GPR39: variants seen among roughly 807,000 people sequenced by gnomAD.
The protein encoded by GPR39 is zinc sensing receptor.
GPR39 carries 23 observed loss-of-function variants against 18.4 expected under a neutral mutation model. The ratio of observed to expected loss-of-function variants is 1.25; its 90% CI spans 0.90 to 1.77. The LOEUF (loss-of-function observed/expected upper bound fraction) is 1.77. Among genes scored for constraint, GPR39 ranks in the 40% most tolerant of loss-of-function variants. The pLI is 0.00. For missense variants in GPR39, 647 were observed against 602.4 expected, an observed-to-expected ratio of 1.07 and a Z score of -0.78; for synonymous variants, 280 against 257.9, an observed-to-expected ratio of 1.09 and a Z score of -0.82.
At chr2:132,631,914 C>A (rs1681656913) in intron 1 of GPR39, among the ~76,000 whole-genome samples, 1 of 151,634 alleles carries the variant, frequency 6.6e-6, no homozygotes, top group African/African-American at 2.4e-5. Flanking sequence ...CCTCTGCCTC[C>A]TGGTTTCAAG....
intron 1 of GPR39, among the ~76,000 whole-genome samples, chr2:132,440,387 G>A (rs1680414327): frequency 6.6e-6 from 1 of 152,178 alleles, no homozygotes; most frequent in Non-Finnish European, 1.5e-5. Context: ...ACGAACCCTG[G>A]AGCTGGACTG....
At chr2:132,573,059 G>A (rs544248182) in intron 1 of GPR39, among the ~76,000 whole-genome samples, 16 of 152,268 alleles carry the variant, frequency 1.1e-4, no homozygotes, top group African/African-American at 3.9e-4. Context: ...AATGGCCATG[G>A]GCTGTATGTC....
intron 1 of GPR39, among the ~76,000 whole-genome samples, chr2:132,503,980 G>A (rs1679089508): frequency 6.6e-6 from 1 of 152,168 alleles, no homozygotes; most frequent in Non-Finnish European, 1.5e-5. Context: ...CTATTTCCAG[G>A]CAGCTGATGA....
At chr2:132,641,932 T>C (rs1243694374) in intron 1 of GPR39, among the ~76,000 whole-genome samples, 1 of 152,134 alleles carries the variant, frequency 6.6e-6, no homozygotes, top group Admixed American at 6.5e-5. Context: ...GATTTTGGAG[T>C]CTGGCAAAGA....
At chr2:132,457,791 G>A (rs539090523) in intron 1 of GPR39, among the ~76,000 whole-genome samples, 1 of 152,212 alleles carries the variant, frequency 6.6e-6, no homozygotes, top group Non-Finnish European at 1.5e-5. Flanking sequence ...GCTCCGCCCA[G>A]TTTGAGCTTC....
At chr2:132,589,221 C>G (rs1680785040) in intron 1 of GPR39, among the ~76,000 whole-genome samples, 1 of 152,080 alleles carries the variant, frequency 6.6e-6, no homozygotes, top group South Asian at 2.1e-4. Flanking sequence ...GTCCCCCCCT[C>G]CCCATTGCCC....
chr2:132,591,936 A>G (rs1346837322), intron 1 of GPR39, among the ~76,000 whole-genome samples: 2 of 152,344 alleles, frequency 1.3e-5, no homozygotes, highest in South Asian at 2.1e-4. Context: ...TGTTTGGTGT[A>G]TGGTCAAATT....
intron 1 of GPR39, among the ~76,000 whole-genome samples, chr2:132,494,227 A>T (rs1348356683): frequency 6.6e-6 from 1 of 152,102 alleles, no homozygotes; most frequent in Non-Finnish European, 1.5e-5. Context: ...ACCTTATAAA[A>T]ATGGTCCAAG....
intron 1 of GPR39, among the ~76,000 whole-genome samples, chr2:132,538,644 T>G (rs1247968505): frequency 6.6e-6 from 1 of 152,132 alleles, no homozygotes; most frequent in Non-Finnish European, 1.5e-5. Flanking sequence ...AAAGATTAAG[T>G]CCTTTGAAGC....
intron 1 of GPR39, among the ~76,000 whole-genome samples, chr2:132,559,569 C>T (rs1049995040): frequency 9.2e-5 from 14 of 151,992 alleles, no homozygotes; most frequent in African/African-American, 2.9e-4. Context: ...GATGGAAGCA[C>T]GCTCAGGGCA....
intron 1 of GPR39, among the ~76,000 whole-genome samples, chr2:132,442,439 C>A (rs1405909420): frequency 6.6e-6 from 1 of 152,106 alleles, no homozygotes; most frequent in Non-Finnish European, 1.5e-5. Context: ...CACACAGATG[C>A]TCTAAATGTC....
intron 1 of GPR39, among the ~76,000 whole-genome samples, chr2:132,460,664 G>C (rs1327604067): frequency 6.6e-6 from 1 of 152,124 alleles, no homozygotes; most frequent in Non-Finnish European, 1.5e-5. Context: ...TTCTGGGAAG[G>C]TGTGCTTAAA....
intron 1 of GPR39, among the ~76,000 whole-genome samples, chr2:132,420,774 T>A (rs1329493711): frequency 6.6e-6 from 1 of 152,222 alleles, no homozygotes; most frequent in East Asian, 1.9e-4. Flanking sequence ...ATATTAATTT[T>A]CCTTCATCTT....
chr2:132,466,895 A>T (rs1354055457), intron 1 of GPR39, among the ~76,000 whole-genome samples: 1 of 152,114 alleles, frequency 6.6e-6, no homozygotes, highest in Non-Finnish European at 1.5e-5. Flanking sequence ...AGTATGCAGG[A>T]GCTCTCCCTC....
chr2:132,440,750 AAATAAT>A (rs570371237), intron 1 of GPR39, among the ~76,000 whole-genome samples: 2,089 of 152,176 alleles, frequency 0.014, 26 homozygotes, highest in Non-Finnish European at 0.021. Context: ...CTGAGATTTA[AAATAAT>A]AATAATAATA....
intron 1 of GPR39, among the ~76,000 whole-genome samples, chr2:132,609,145 C>T (rs1006439583): frequency 4.6e-5 from 7 of 152,156 alleles, no homozygotes; most frequent in African/African-American, 7.2e-5. Flanking sequence ...ATTGTAGGTA[C>T]GCGGCCATGG....
chr2:132,498,722 C>T (rs1245574843), intron 1 of GPR39, among the ~76,000 whole-genome samples: 1 of 152,118 alleles, frequency 6.6e-6, no homozygotes, highest in Non-Finnish European at 1.5e-5. Context: ...TTCACTGCAT[C>T]CCCACCAATA....
At chr2:132,570,747 AG>A (rs1438890030) in intron 1 of GPR39, among the ~76,000 whole-genome samples, 1 of 152,076 alleles carries the variant, frequency 6.6e-6, no homozygotes, top group Non-Finnish European at 1.5e-5. Context: ...TGCCCTCCCC[AG>A]GGGCACAGTT....
At chr2:132,521,068 T>A (rs1679416916) in intron 1 of GPR39, among the ~76,000 whole-genome samples, 2 of 152,188 alleles carry the variant, frequency 1.3e-5, no homozygotes, top group South Asian at 4.1e-4. Context: ...CCTCATTGTC[T>A]TAGCACACGG....
Sources: allele counts gnomAD v4.1 joint callset (sites outside exome capture counted in the v4.1 genomes callset), GRCh38; gene constraint gnomAD v4.1.1; transcripts MANE v1.5; gene names NCBI Gene and HGNC (gene_info 2026-07-23, HGNC 2026-07-21).